Variants in PRAMEF19 observed in about 807,000 individuals in gnomAD.
PRAMEF19 encodes PRAME family member 19, also known as PRAME family member-like.
PRAMEF19 carries 21 observed loss-of-function variants against 33.1 expected under a neutral mutation model. The observed-to-expected ratio is 0.63, with a 90% confidence interval of 0.45 to 0.91. The LOEUF (loss-of-function observed/expected upper bound fraction) is 0.91, where lower values mean the gene tolerates loss of function less well. PRAMEF19 is among the 40% of genes least tolerant of loss of function. The pLI, the probability that PRAMEF19 is intolerant of heterozygous loss-of-function variation, is 0.00. For synonymous variants in PRAMEF19, 179 were observed against 229.3 expected (o/e 0.78, Z 1.98); for missense variants, 481 against 585.2 (o/e 0.82, Z 1.84).
exon 2 of PRAMEF19, chr1:13,370,675 G>A (rs1231276685): frequency 1.2e-5 from 19 of 1,613,900 alleles, no homozygotes; most frequent in African/African-American, 6.7e-5. Context: ...GGTAGCCTTC[G>A]AAGAAGCGGA....
downstream of PRAMEF19, chr1:13,369,007 T>A: frequency 6.3e-7 from 1 of 1,597,624 alleles, no homozygotes; most frequent in Non-Finnish European, 8.5e-7. Context: ...AAAAGATATC[T>A]ATGTCCTAGA....
At chr1:13,368,836 C>A (rs1640632011), downstream of PRAMEF19, among the ~76,000 whole-genome samples, 1 of 152,180 alleles carries the variant, frequency 6.6e-6, no homozygotes, top group African/African-American at 2.4e-5. Context: ...CCTATAGACC[C>A]GGCACAGCTG....
chr1:13,369,884 C>A (rs750739613), intron 2 of PRAMEF19, among the ~76,000 whole-genome samples: 1 of 151,264 alleles, frequency 6.6e-6, no homozygotes, highest in African/African-American at 2.4e-5. Context: ...TCTAAAGCCT[C>A]TTTTCTTCAT....
chr1:13,371,040 A>AT lies in PRAMEF19; in HGVS notation c.474dup (p.Ser159IlefsTer4), dbSNP rs1388205500. 1.2e-6 allele frequency: 2 copies of AT among 1,611,626 alleles called. No homozygotes were observed. Among genetic ancestry groups the AT allele is most frequent in the Non-Finnish European group, 1.7e-6 (2 of 1,179,780 alleles). ...AAGAAGCTCAGATCTTCATCCACGG[A>AT]TTTTTCCTTGAGGCAAACATCCATG... On this transcript the variant is annotated frameshift_variant, in exon 2 of 3. Coordinates refer to ENST00000376101, the Ensembl canonical transcript of PRAMEF19. LOFTEE classifies it high-confidence loss of function.
chr1:13,371,616 G>C (rs1413420949), exon 1 of PRAMEF19: 59 of 1,610,740 alleles, frequency 3.7e-5, no homozygotes, highest in Non-Finnish European at 4.8e-5. Context: ...CACCTCACCT[G>C]GGGCGAACCT....
chr1:13,370,594 T>G, intron 2 of PRAMEF19, 55 bp downstream of exon 2: 1 of 1,609,176 alleles, frequency 6.2e-7, no homozygotes, highest in South Asian at 1.1e-5. Context: ...GTGTTTACTG[T>G]AACAAAAAAA....
chr1:13,370,846 C>T, exon 2 of PRAMEF19: 1 of 1,613,976 alleles, frequency 6.2e-7, no homozygotes, highest in Non-Finnish European at 8.5e-7. Flanking sequence ...AACGGCTAAC[C>T]TCTGCTACCA....
chr1:13,371,382 A>G (rs1569835163), intron 1 of PRAMEF19, among the ~76,000 whole-genome samples, 155 bp from the exon 2 acceptor site: 2 of 151,552 alleles, frequency 1.3e-5, no homozygotes, highest in Admixed American at 1.3e-4. Flanking sequence ...TCTGCCTGGT[A>G]CCCACTTCTA....
chr1:13,369,905 A>G, intron 2 of PRAMEF19, among the ~76,000 whole-genome samples: 1 of 151,488 alleles, frequency 6.6e-6, no homozygotes, highest in East Asian at 1.9e-4. Context: ...CTTCCAGCAG[A>G]AAGCTTCATC....
At chr1:13,370,068 C>G (rs1640652103) in intron 2 of PRAMEF19, among the ~76,000 whole-genome samples, 1 of 152,200 alleles carries the variant, frequency 6.6e-6, no homozygotes, top group African/African-American at 2.4e-5. Context: ...CGTGCCTACT[C>G]CCTCACCTCC....
chr1:13,371,541 C>T (rs1421132396), intron 1 of PRAMEF19, 73 bp downstream of exon 1: 1 of 1,606,234 alleles, frequency 6.2e-7, no homozygotes, highest in Admixed American at 1.7e-5. Flanking sequence ...TGGGCCACCC[C>T]AGGTTCCCAA....
At chr1:13,371,698 G>T in exon 1 of PRAMEF19, 1 of 1,609,544 alleles carries the variant, frequency 6.2e-7, no homozygotes, top group Non-Finnish European at 8.5e-7. Context: ...CTTCATCAGG[G>T]ACCCCAGAGG....
Position 13,369,143 on chromosome 1 carries a change from A to G in PRAMEF19, c.1364T>C (p.Val455Ala), listed in dbSNP as rs1640635883. ...TGACATGCCACAGCAAGGGCAGGAGACGGGACCAAAGAAGATCCTGTTGGG... is the reference window on the plus strand; with the variant it reads ...TGACATGCCACAGCAAGGGCAGGAGGCGGGACCAAAGAAGATCCTGTTGGG... Residue 455 changes from valine (V) to alanine (A), a missense_variant, in exon 3 of 3, where the codon GTC (valine) becomes GCC (alanine). Around this residue, in one of 3 missense-constraint regions of PRAMEF19, gnomAD observed 392 missense variants for 397.5 expected, o/e 0.99. Transcript: ENST00000376101. 5.6e-6 allele frequency: 9 copies of G among 1,611,804 alleles called. No homozygotes were observed. In the South Asian group the frequency reaches 7.7e-5, roughly 14 times the overall value.
chr1:13,369,670 A>G lies in PRAMEF19; in HGVS notation c.867-30T>C, dbSNP rs1640648217. ...GGAGAGCAAGAAGTTAGTACTGGGC[A>G]ATGGCACCAGTTAGAGGACGGTGGT... On this transcript the variant is annotated intron_variant, in intron 2 of 2. Transcript: ENST00000376101. The G allele has an allele frequency of 9.9e-6, 16 of 1,613,044 alleles. No individual in the cohort carries two copies. The South Asian group carries it at 1.8e-4, about 18-fold the overall frequency.
intron 1 of PRAMEF19, 33 bp from the exon 2 acceptor site, chr1:13,371,260 T>C: frequency 6.2e-7 from 1 of 1,611,958 alleles, no homozygotes; most frequent in Non-Finnish European, 8.5e-7. Context: ...GCTCAGAACG[T>C]AGACAAGGAC....
intron 1 of PRAMEF19, 75 bp downstream of exon 1, chr1:13,371,539 C>T: frequency 6.2e-7 from 1 of 1,606,152 alleles, no homozygotes; most frequent in Non-Finnish European, 8.5e-7. Flanking sequence ...CCTGGGCCAC[C>T]CCAGGTTCCC....
At chr1:13,370,757 C>G in exon 2 of PRAMEF19, 1 of 1,613,848 alleles carries the variant, frequency 6.2e-7, no homozygotes, top group South Asian at 1.1e-5. Context: ...AACTAACTGT[C>G]CTTGGCTCTC....
chr1:13,371,178 A>C, exon 2 of PRAMEF19: 1 of 1,612,214 alleles, frequency 6.2e-7, no homozygotes, highest in Non-Finnish European at 8.5e-7. Context: ...CATATGGTCC[A>C]AAAATTCTCA....
At chr1:13,368,939 C>A, downstream of PRAMEF19, 2 of 1,391,906 alleles carry the variant, frequency 1.4e-6, no homozygotes, top group South Asian at 1.5e-5. Flanking sequence ...ATAGGGAAAC[C>A]CTGTCTCAAA....
Sources: gnomAD v4.1 joint callset for allele counts (sites outside exome capture counted in the v4.1 genomes callset) on GRCh38, gnomAD v4.1.1 for gene constraint, gnomAD v4.1.1 regional missense constraint, MANE v1.5 for transcripts, NCBI Gene and HGNC (gene_info 2026-07-23, HGNC 2026-07-21) for gene names.